Variants in EYA1 observed in about 807,000 individuals in gnomAD.
EYA1 encodes the protein protein phosphatase EYA1.
In EYA1, 16 loss-of-function variants were observed where a neutral mutation model predicts 82.0. That is an observed-to-expected ratio of 0.20 (90% CI 0.13 to 0.30). EYA1 has a LOEUF of 0.30. EYA1 is among the 10% of genes least tolerant of loss of function. The probability of loss-of-function intolerance (pLI) is 1.00; values close to 1 mark genes in which losing one functional copy is unlikely to be tolerated. For missense variants in EYA1, 633 were observed against 730.7 expected (o/e 0.87, Z 1.54); for synonymous variants, 261 against 264.4 (o/e 0.99, Z 0.12).
At chr8:71,346,389 TACAC>T (rs529572741) in intron 3 of EYA1, among the ~76,000 whole-genome samples, 1 of 140,222 alleles carries the variant, frequency 7.1e-6, no homozygotes, top group Non-Finnish European at 1.6e-5. Flanking sequence ...TATACACACA[TACAC>T]ACACACACAT....
intron 2 of EYA1, among the ~76,000 whole-genome samples, chr8:71,432,000 C>A (rs1805654649): frequency 6.6e-6 from 1 of 152,152 alleles, no homozygotes; most frequent in African/African-American, 2.4e-5. Flanking sequence ...GCATGGAATA[C>A]AATTCTGACT....
intron 11 of EYA1, among the ~76,000 whole-genome samples, chr8:71,268,955 A>G (rs1356390570): frequency 2.6e-5 from 4 of 152,232 alleles, no homozygotes; most frequent in Non-Finnish European, 5.9e-5. Context: ...ACTTAAAAAA[A>G]CCTAAGACTT....
chr8:71,487,418 A>G (rs952364470), intron 2 of EYA1, among the ~76,000 whole-genome samples: 1 of 152,166 alleles, frequency 6.6e-6, no homozygotes, highest in Non-Finnish European at 1.5e-5. Flanking sequence ...TGAAACTATC[A>G]TACAATCACA....
In EYA1 at chr8:71,539,898, C is replaced by T. The variant is rs112449048; in HGVS notation, c.-72-4050G>A. ...CTGATCTAACAGACTCTGCAGAAAA[C>T]ATTAAATTGAGACTATAATCTGACA... On this transcript the variant is annotated intron_variant, in intron 1 of 18. Transcript: ENST00000643681. 2.1e-3 allele frequency among the ~76,000 whole-genome samples: 327 copies of T among 152,220 alleles called. 1 individual carries two copies. Among genetic ancestry groups the T allele is most frequent in the African/African-American group, 7.3e-3 (302 of 41,544 alleles).
At chr8:71,517,684 T>C (rs1813068738) in intron 2 of EYA1, among the ~76,000 whole-genome samples, 1 of 147,384 alleles carries the variant, frequency 6.8e-6, no homozygotes, top group South Asian at 2.1e-4. Flanking sequence ...TTGAGTATGT[T>C]GTTCACAAGA....
chr8:71,516,721 G>A (rs1472673114), intron 2 of EYA1, among the ~76,000 whole-genome samples: 1 of 152,222 alleles, frequency 6.6e-6, no homozygotes, highest in Middle Eastern at 3.4e-3. Flanking sequence ...ATTAGAGGAT[G>A]AATACTGGGC....
intron 11 of EYA1, among the ~76,000 whole-genome samples, chr8:71,265,458 A>G (rs4738121): frequency 0.95 from 143,919 of 152,294 alleles, 68,098 homozygotes; most frequent in East Asian, 1. Context: ...AAAATGAAAA[A>G]TGAATATCCA....
At chr8:71,286,284 G>C (rs8180887) in intron 9 of EYA1, among the ~76,000 whole-genome samples, 57,414 of 152,052 alleles carry the variant, frequency 0.38, 11,451 homozygotes, top group African/African-American at 0.52. Flanking sequence ...GCTACGGAAT[G>C]CCAGGAGCAC....
At chr8:71,306,218 G>T (rs1265333880) in intron 7 of EYA1, among the ~76,000 whole-genome samples, 5 of 152,052 alleles carry the variant, frequency 3.3e-5, no homozygotes, top group Non-Finnish European at 7.3e-5. Context: ...CTCACTCCTG[G>T]CACAGGGTGA....
intron 2 of EYA1, among the ~76,000 whole-genome samples, chr8:71,423,629 G>T (rs1373338593): frequency 2.6e-5 from 4 of 152,140 alleles, no homozygotes; most frequent in African/African-American, 7.2e-5. Context: ...ATCCACGACC[G>T]ATAAGGGTAA....
Position 71,204,869 on chromosome 8 carries a change from TA to T in EYA1, c.1699-5450del, listed in dbSNP as rs1212555463. Among the ~76,000 whole-genome samples, 14 of 152,296 alleles carry T rather than the reference TA, an allele frequency of 9.2e-5. No homozygotes were observed. In the East Asian group the frequency reaches 2.7e-3, roughly 29 times the overall value. ...TATATATCTGCTTGCCCTCTAGACA[TA>T]AGTATGCTTTTTAAGGATGACGATG... On this transcript the variant is annotated intron_variant, in intron 17 of 17. Transcript: ENST00000340726.
intron 9 of EYA1, among the ~76,000 whole-genome samples, chr8:71,281,829 C>A (rs940317201): frequency 6.6e-6 from 1 of 152,250 alleles, no homozygotes; most frequent in African/African-American, 2.4e-5. Flanking sequence ...ATCACAAATT[C>A]CTAGGCCAGG....
At chr8:71,381,176 C>A (rs1188793092) in intron 2 of EYA1, among the ~76,000 whole-genome samples, 1 of 152,226 alleles carries the variant, frequency 6.6e-6, no homozygotes, top group Non-Finnish European at 1.5e-5. Flanking sequence ...TGGGGTCACA[C>A]GTGGCCCTAA....
At chr8:71,458,668 T>G (rs1410194300) in intron 2 of EYA1, among the ~76,000 whole-genome samples, 2 of 152,136 alleles carry the variant, frequency 1.3e-5, no homozygotes, top group Non-Finnish European at 2.9e-5. Context: ...TAAAAGGGAC[T>G]CCAAGGTTGA....
chr8:71,439,150 A>C (rs1806221284), intron 2 of EYA1, among the ~76,000 whole-genome samples: 1 of 152,194 alleles, frequency 6.6e-6, no homozygotes, highest in Non-Finnish European at 1.5e-5. Flanking sequence ...GCTGAATCTC[A>C]GAAAGGTTAA....
intron 7 of EYA1, among the ~76,000 whole-genome samples, chr8:71,312,737 C>A (rs1425635406): frequency 5.3e-5 from 8 of 152,180 alleles, no homozygotes; most frequent in Non-Finnish European, 8.8e-5. Flanking sequence ...AGGTTCTTAT[C>A]TTTTCAAAGT....
intron 3 of EYA1, 77 bp from the exon 4 acceptor site, chr8:71,334,251 C>T: frequency 9.2e-7 from 1 of 1,092,170 alleles, no homozygotes; most frequent in Non-Finnish European, 1.4e-6. Context: ...ATATAACATT[C>T]AGAGTAATGA....
At chr8:71,508,086 T>C (rs1812324709) in intron 2 of EYA1, among the ~76,000 whole-genome samples, 1 of 152,192 alleles carries the variant, frequency 6.6e-6, no homozygotes, top group African/African-American at 2.4e-5. Flanking sequence ...TACATAGTAA[T>C]GCCACTCACT....
chr8:71,272,137 G>A (rs1816619725), intron 9 of EYA1, among the ~76,000 whole-genome samples: 1 of 152,168 alleles, frequency 6.6e-6, no homozygotes, highest in Non-Finnish European at 1.5e-5. Flanking sequence ...GAGGCAACAG[G>A]TTGTACAAGG....
Sources: gnomAD v4.1 joint callset for allele counts (sites outside exome capture counted in the v4.1 genomes callset) on GRCh38, gnomAD v4.1.1 for gene constraint, MANE v1.5 for transcripts, NCBI Gene and HGNC (gene_info 2026-07-23, HGNC 2026-07-21) for gene names.